FAM107B: variants seen among roughly 807,000 people sequenced by gnomAD.
The protein encoded by FAM107B is family with sequence similarity 107 member B.
Under a neutral mutation model 31.5 loss-of-function variants are expected in FAM107B, and 21 were observed. That is an observed-to-expected ratio of 0.67 (90% CI 0.47 to 0.96). FAM107B has a LOEUF of 0.96. Ranked by LOEUF, FAM107B falls within the 40% of genes least tolerant of loss-of-function variation. The probability of loss-of-function intolerance (pLI) is 0.00; values close to 1 mark genes in which losing one functional copy is unlikely to be tolerated. For missense variants in FAM107B, 452 were observed against 377.1 expected, an observed-to-expected ratio of 1.20 and a Z score of -1.64; for synonymous variants, 157 against 141.5, an observed-to-expected ratio of 1.11 and a Z score of -0.78.
intron 1 of FAM107B, among the ~76,000 whole-genome samples, chr10:14,705,657 G>C (rs1201556028): frequency 6.6e-6 from 1 of 152,052 alleles, no homozygotes; most frequent in Non-Finnish European, 1.5e-5. Context: ...AAGGTCCCTA[G>C]AGTAGTCAAA....
intron 2 of FAM107B, among the ~76,000 whole-genome samples, chr10:14,636,963 A>C (rs12218166): frequency 0.055 from 8,286 of 151,932 alleles, 278 homozygotes; most frequent in East Asian, 0.19. Flanking sequence ...TGGAGGATTT[A>C]CTGATCTAGG....
rs1179722479 is a variant in FAM107B, at chr10:14,559,113, A to C, written c.470-28598T>G. On this transcript the variant is annotated intron_variant, in intron 2 of 4. Transcript: ENST00000181796. ...CTGTGGAACTTCAAAAAAAAAAAAA[A>C]AAAACAAAAAAAAAACACCTGGTGT... Among the ~76,000 whole-genome samples the C allele has an allele frequency of 2.5e-4, 17 of 68,948 alleles. 1 individual carries two copies. The highest frequency in any genetic ancestry group is 1.6e-3 in the South Asian group (4 of 2,576). 45.2% of individuals were successfully genotyped at this position (68,948 alleles called of 152,430 possible). A position where few individuals can be genotyped will look rare whatever the true frequency, so the allele number is the denominator to read the frequency against.
At chr10:14,770,298 G>A (rs1443086699) in intron 1 of FAM107B, among the ~76,000 whole-genome samples, 3 of 152,156 alleles carry the variant, frequency 2.0e-5, no homozygotes, top group Non-Finnish European at 1.5e-5. Context: ...GCCAAGGCGG[G>A]TGGATCATGA....
chr10:14,596,613 A>C (rs1400445973), intron 2 of FAM107B, among the ~76,000 whole-genome samples: 9 of 152,190 alleles, frequency 5.9e-5, no homozygotes, highest in Admixed American at 5.9e-4. Context: ...AAACCCCAAG[A>C]GGGCAACTGA....
At chr10:14,772,362 A>AAAAAAAATATAT (rs10651238) in intron 1 of FAM107B, among the ~76,000 whole-genome samples, 3 of 145,590 alleles carry the variant, frequency 2.1e-5, no homozygotes, top group African/African-American at 7.8e-5. Context: ...TTAAAAAAAA[A>AAAAAAAATATAT]ATATATATAT....
chr10:14,541,232 C>T (rs1329862852), intron 2 of FAM107B, among the ~76,000 whole-genome samples: 2 of 152,154 alleles, frequency 1.3e-5, no homozygotes, highest in Non-Finnish European at 2.9e-5. Context: ...CCGGCTGCAT[C>T]CTCAGTCAAA....
chr10:14,546,866 G>A (rs929829188), intron 2 of FAM107B, among the ~76,000 whole-genome samples: 1 of 152,154 alleles, frequency 6.6e-6, no homozygotes, highest in African/African-American at 2.4e-5. Context: ...AACGGACACA[G>A]ATGGGCCCAC....
At chr10:14,710,993 A>T (rs976029008) in intron 1 of FAM107B, among the ~76,000 whole-genome samples, 2 of 133,432 alleles carry the variant, frequency 1.5e-5, no homozygotes, top group African/African-American at 7.1e-5. Flanking sequence ...GCTCACTGCA[A>T]CCTCTGCCTC....
intron 1 of FAM107B, among the ~76,000 whole-genome samples, chr10:14,767,055 T>TATATATATAG (rs1440609298): frequency 9.9e-4 from 18 of 18,274 alleles, no homozygotes; most frequent in East Asian, 7.6e-3. Flanking sequence ...TATATATATA[T>TATATATATAG]AGAGAGAGAG....
chr10:14,721,313 C>T (rs1855907869), intron 1 of FAM107B, among the ~76,000 whole-genome samples: 1 of 152,128 alleles, frequency 6.6e-6, no homozygotes, highest in Non-Finnish European at 1.5e-5. Flanking sequence ...CATACGTTTG[C>T]ATGTGTCTTT....
intron 2 of FAM107B, among the ~76,000 whole-genome samples, chr10:14,582,375 C>CTTTTTTTTTTTT (rs71388188): frequency 3.6e-5 from 4 of 112,086 alleles, no homozygotes; most frequent in Non-Finnish European, 5.2e-5. Context: ...TTTTTCTTTT[C>CTTTTTTTTTTTT]TTTTTTTTTT....
At chr10:14,610,349 A>G (rs1852697746) in intron 2 of FAM107B, among the ~76,000 whole-genome samples, 1 of 152,194 alleles carries the variant, frequency 6.6e-6, no homozygotes, top group Admixed American at 6.5e-5. Context: ...CTTCAAAAAA[A>G]AAATAAAAAA....
intron 2 of FAM107B, among the ~76,000 whole-genome samples, chr10:14,612,994 CAG>C (rs1314149690): frequency 6.6e-6 from 1 of 151,928 alleles, no homozygotes; most frequent in African/African-American, 2.4e-5. Context: ...TTATTTGAGA[CAG>C]AGTCTCACTC....
intron 2 of FAM107B, among the ~76,000 whole-genome samples, chr10:14,655,664 G>A (rs1000980516): frequency 6.6e-6 from 1 of 152,218 alleles, no homozygotes; most frequent in Admixed American, 6.5e-5. Context: ...AGGGATTCAG[G>A]GAGAAGCAGT....
chr10:14,626,813 C>T (rs926286022), intron 2 of FAM107B, among the ~76,000 whole-genome samples: 2 of 152,028 alleles, frequency 1.3e-5, no homozygotes, highest in Admixed American at 6.5e-5. Flanking sequence ...TAAGAGACTC[C>T]GTGTATCTCA....
At chr10:14,738,741 C>T (rs60236766) in intron 1 of FAM107B, among the ~76,000 whole-genome samples, 398 of 152,244 alleles carry the variant, frequency 2.6e-3, no homozygotes, top group African/African-American at 8.9e-3. Context: ...GTAAGGAATT[C>T]GGACATTACC....
chr10:14,655,267 C>A (rs1854016533), intron 2 of FAM107B, among the ~76,000 whole-genome samples: 1 of 152,226 alleles, frequency 6.6e-6, no homozygotes, highest in Admixed American at 6.5e-5. Context: ...ACCTCCAACA[C>A]TGGGGATCAA....
intron 2 of FAM107B, among the ~76,000 whole-genome samples, chr10:14,559,090 G>T (rs1849974741): frequency 7.7e-6 from 1 of 129,646 alleles, no homozygotes; most frequent in East Asian, 2.2e-4. Context: ...AAAATCACCT[G>T]TGGAACTTCA....
chr10:14,520,968 CCAACTTACGTGCG>C lies in FAM107B; in HGVS notation c.*209_*221del. On this transcript the variant is annotated 3_prime_UTR_variant, in exon 5 of 5. Coordinates refer to ENST00000181796, the MANE Select transcript of FAM107B (RefSeq NM_031453.4). ...AGTCTCTGAACACAGGTCCATCATT[CCAACTTACGTGCG>C]GGGCACTGCCCTTCATTTGGCGAAT... 4.3e-6 allele frequency: 2 copies of C among 467,960 alleles called. No individual in the cohort carries two copies. The highest frequency in any genetic ancestry group is 7.5e-6 in the Non-Finnish European group (2 of 266,362). 29.0% of individuals were successfully genotyped at this position (467,960 alleles called of 1,614,324 possible).
Sources: gnomAD v4.1 joint callset for allele counts (sites outside exome capture counted in the v4.1 genomes callset) on GRCh38, gnomAD v4.1.1 for gene constraint, MANE v1.5 for transcripts, NCBI Gene and HGNC (gene_info 2026-07-23, HGNC 2026-07-21) for gene names.